PCDH11Y: variants seen among roughly 807,000 people sequenced by gnomAD.
The protein encoded by PCDH11Y is protocadherin 11 Y-linked, also known as protocadherin-11 Y-linked.
For synonymous variants in PCDH11Y, 9 were observed against 83.6 expected (o/e 0.11, Z 4.87); for missense variants, 12 against 224.8 (o/e 0.05, Z 6.05).
chrY:5,291,955 T>C, intron 2 of PCDH11Y, among the ~76,000 whole-genome samples: 1 of 32,417 alleles, frequency 3.1e-5, no homozygotes, highest in African/African-American at 1.2e-4. Flanking sequence ...AGGGTTTTTA[T>C]CAGGAAGAGG....
downstream of PCDH11Y, among the ~76,000 whole-genome samples, chrY:5,102,657 T>A: frequency 3.1e-5 from 1 of 32,443 alleles, no homozygotes; most frequent in Non-Finnish European, 7.6e-5. Context: ...TTTGTTTTTT[T>A]AAAAATATTT....
At chrY:5,639,443 A>G in intron 4 of PCDH11Y, among the ~76,000 whole-genome samples, 1 of 32,567 alleles carries the variant, frequency 3.1e-5, no homozygotes, top group Non-Finnish European at 7.5e-5. Context: ...TGGTTTCCCA[A>G]TGCATATAAA....
chrY:5,031,455 GATAAT>G, intron 1 of PCDH11Y, among the ~76,000 whole-genome samples: 1 of 32,513 alleles, frequency 3.1e-5, no homozygotes, highest in East Asian at 8.1e-4. Flanking sequence ...TTGCAACATC[GATAAT>G]ATAAAACTCA....
intron 2 of PCDH11Y, among the ~76,000 whole-genome samples, chrY:5,153,174 G>A (rs2124643641): frequency 6.0e-5 from 2 of 33,156 alleles, no homozygotes; most frequent in South Asian, 1.3e-3. Flanking sequence ...AATTAACTTC[G>A]TGGCAGATAA....
At chrY:5,107,980 A>G (rs2052795175), downstream of PCDH11Y, among the ~76,000 whole-genome samples, 1 of 28,765 alleles carries the variant, frequency 3.5e-5, no homozygotes, top group Non-Finnish European at 8.2e-5. Context: ...AATGGCGTGA[A>G]CCCGGGAGGC....
At chrY:5,672,874 C>T (rs2053550795) in intron 4 of PCDH11Y, among the ~76,000 whole-genome samples, 1 of 30,878 alleles carries the variant, frequency 3.2e-5, no homozygotes, top group African/African-American at 1.3e-4. Flanking sequence ...AAGTTTTTCT[C>T]CTCTTTTTTG....
At chrY:5,458,083 C>T in intron 2 of PCDH11Y, among the ~76,000 whole-genome samples, 1 of 32,848 alleles carries the variant, frequency 3.0e-5, no homozygotes, top group African/African-American at 1.2e-4. Context: ...GTTGTACAAA[C>T]GTTTTTTTTG....
chrY:5,164,665 A>T (rs2052877504), intron 2 of PCDH11Y, among the ~76,000 whole-genome samples: 67 of 32,602 alleles, frequency 2.1e-3, no homozygotes, highest in Non-Finnish European at 4.4e-3. Flanking sequence ...AGGACAAACA[A>T]AAAAACAAAT....
chrY:5,391,189 G>T, intron 2 of PCDH11Y, among the ~76,000 whole-genome samples: 5 of 30,763 alleles, frequency 1.6e-4, no homozygotes, highest in African/African-American at 6.4e-4. Context: ...AGTAAATATA[G>T]TAATAACTAT....
intron 2 of PCDH11Y, among the ~76,000 whole-genome samples, chrY:5,494,085 T>C (rs2053341517): frequency 1.9e-3 from 65 of 33,742 alleles, no homozygotes; most frequent in South Asian, 5.8e-3. Context: ...ATGGATGTGG[T>C]TAGTACCAAA....
downstream of PCDH11Y, among the ~76,000 whole-genome samples, chrY:5,110,292 C>T: frequency 1.3e-4 from 4 of 31,210 alleles, no homozygotes; most frequent in Non-Finnish European, 2.3e-4. Flanking sequence ...AAAACTTAGC[C>T]GGGTTTGGTG....
chrY:5,533,074 G>A (rs2053396987), intron 3 of PCDH11Y, among the ~76,000 whole-genome samples: 1 of 32,440 alleles, frequency 3.1e-5, no homozygotes, highest in Non-Finnish European at 7.5e-5. Flanking sequence ...CTCGTGATCC[G>A]CCTGCCTCGG....
chrY:5,330,083 G>A (rs1602905725), intron 2 of PCDH11Y, among the ~76,000 whole-genome samples: 1 of 32,946 alleles, frequency 3.0e-5, no homozygotes, highest in African/African-American at 1.2e-4. Context: ...GAGAGTCAGC[G>A]AAGGGAGATA....
intron 3 of PCDH11Y, among the ~76,000 whole-genome samples, chrY:5,045,167 G>A (rs2052631303): frequency 3.0e-5 from 1 of 32,867 alleles, no homozygotes; most frequent in African/African-American, 1.2e-4. Context: ...ATGTTAGCTG[G>A]TTATTTTGCT....
rs2124677584 is a variant in PCDH11Y, at chrY:5,406,507, G to A, written c.3130-94550G>A. Among the ~76,000 whole-genome samples, 21 of 33,232 alleles carry A rather than the reference G, an allele frequency of 6.3e-4. No individual in the cohort carries two copies. The East Asian group carries it at 0.016, about 25-fold the overall frequency. The allele number at this position is 33,232 out of a possible 37,273, so 89.2% of individuals were successfully genotyped here. On this transcript the variant is annotated intron_variant, in intron 2 of 4. Coordinates refer to the PCDH11Y transcript ENST00000400457. ...GTGCAAAGACTTCTCAAAGTCTGCT[G>A]CAGAAAAAAAAATTATTTTGGAAAA...
chrY:5,350,570 G>A, intron 2 of PCDH11Y, among the ~76,000 whole-genome samples: 2 of 32,046 alleles, frequency 6.2e-5, no homozygotes, highest in African/African-American at 2.5e-4. Context: ...GCTGGTCATG[G>A]TTGCATGCAC....
intron 2 of PCDH11Y, among the ~76,000 whole-genome samples, chrY:5,171,222 T>A: frequency 1.3e-4 from 4 of 31,681 alleles, no homozygotes; most frequent in Non-Finnish European, 2.3e-4. Context: ...AATTAGTGAA[T>A]ATAGTCATTT....
At chrY:5,029,537 T>C in intron 1 of PCDH11Y, among the ~76,000 whole-genome samples, 1 of 33,051 alleles carries the variant, frequency 3.0e-5, no homozygotes. Flanking sequence ...ATAATAAACG[T>C]TAATCCACAG....
chrY:5,480,134 C>T (rs2053324029), intron 2 of PCDH11Y, among the ~76,000 whole-genome samples: 1 of 32,057 alleles, frequency 3.1e-5, no homozygotes, highest in Non-Finnish European at 7.6e-5. Context: ...GAATTTTCAG[C>T]GTTTCTGTGC....
Sources: gnomAD v4.1 joint callset for allele counts (sites outside exome capture counted in the v4.1 genomes callset) on GRCh38, gnomAD v4.1.1 for gene constraint, MANE v1.5 for transcripts, NCBI Gene and HGNC (gene_info 2026-07-23, HGNC 2026-07-21) for gene names.